SGCZ: variants seen among roughly 807,000 people sequenced by gnomAD.
SGCZ encodes the protein zeta-sarcoglycan.
SGCZ carries 40 observed loss-of-function variants against 41.3 expected under a neutral mutation model. The ratio of observed to expected loss-of-function variants is 0.97; its 90% confidence interval spans 0.75 to 1.26. The LOEUF (loss-of-function observed/expected upper bound fraction) is 1.26, where lower values mean the gene tolerates loss of function less well. Among genes scored for constraint, SGCZ ranks in the 50% most tolerant of loss-of-function variants. The pLI, the probability that SGCZ is intolerant of heterozygous loss-of-function variation, is 0.00. For synonymous variants in SGCZ, 206 were observed against 137.5 expected, an observed-to-expected ratio of 1.50 and a Z score of -3.49; for missense variants, 552 against 369.8, an observed-to-expected ratio of 1.49 and a Z score of -4.04.
intron 1 of SGCZ, among the ~76,000 whole-genome samples, chr8:14,922,938 T>G (rs965761187): frequency 2.0e-4 from 31 of 152,342 alleles, no homozygotes; most frequent in African/African-American, 6.5e-4. Flanking sequence ...CATTTTCTCA[T>G]AAAGTTTTCT....
At chr8:14,568,936 T>C (rs768214932) in intron 1 of SGCZ, among the ~76,000 whole-genome samples, 5 of 152,274 alleles carry the variant, frequency 3.3e-5, no homozygotes, top group East Asian at 1.9e-4. Context: ...GGAAGTGAAA[T>C]TGTATTTGAG....
intron 3 of SGCZ, among the ~76,000 whole-genome samples, chr8:14,259,087 A>G (rs1009915482): frequency 1.3e-5 from 2 of 152,194 alleles, no homozygotes; most frequent in Non-Finnish European, 1.5e-5. Context: ...GAAAAAAGGC[A>G]TTTAGCCTTG....
chr8:14,140,581 G>C (rs1336563509), intron 5 of SGCZ, among the ~76,000 whole-genome samples: 4 of 152,102 alleles, frequency 2.6e-5, no homozygotes, highest in Non-Finnish European at 5.9e-5. Flanking sequence ...CTGCTTCAAA[G>C]AGAATAAAAT....
At chr8:15,157,031 G>A (rs926087130) in intron 1 of SGCZ, among the ~76,000 whole-genome samples, 3 of 151,742 alleles carry the variant, frequency 2.0e-5, no homozygotes, top group African/African-American at 7.3e-5. Flanking sequence ...TCTTTTCTCT[G>A]GGAATCTTTC....
intron 2 of SGCZ, among the ~76,000 whole-genome samples, chr8:14,340,370 A>T (rs146132706): frequency 6.6e-6 from 1 of 152,152 alleles, no homozygotes; most frequent in African/African-American, 2.4e-5. Context: ...ATTGTTTTAC[A>T]AGCATTCCCT....
intron 1 of SGCZ, among the ~76,000 whole-genome samples, chr8:15,208,957 T>G (rs1187760957): frequency 6.6e-6 from 1 of 151,872 alleles, no homozygotes. Flanking sequence ...GGATTTAACA[T>G]TTTTTCATAA....
chr8:15,013,135 G>C (rs1371657040), intron 1 of SGCZ, among the ~76,000 whole-genome samples: 1 of 152,134 alleles, frequency 6.6e-6, no homozygotes, highest in African/African-American at 2.4e-5. Context: ...GACTCATTAA[G>C]TGAAAATGGA....
chr8:14,617,392 A>G (rs545757241), intron 1 of SGCZ, among the ~76,000 whole-genome samples: 12 of 152,254 alleles, frequency 7.9e-5, no homozygotes, highest in African/African-American at 2.6e-4. Flanking sequence ...GGATTATTTT[A>G]CTGTTCAAAA....
chr8:14,427,044 A>C (rs903161519), intron 2 of SGCZ, among the ~76,000 whole-genome samples: 1 of 141,856 alleles, frequency 7.0e-6, no homozygotes, highest in Non-Finnish European at 1.6e-5. Context: ...GAATGAATGA[A>C]TGAATGAATG....
intron 5 of SGCZ, among the ~76,000 whole-genome samples, chr8:14,159,495 G>C (rs576603801): frequency 6.6e-6 from 1 of 152,110 alleles, no homozygotes; most frequent in Non-Finnish European, 1.5e-5. Flanking sequence ...GATTCACCTG[G>C]AGACTTAAGG....
intron 5 of SGCZ, among the ~76,000 whole-genome samples, chr8:14,148,838 C>T (rs1258266695): frequency 1.3e-5 from 2 of 152,124 alleles, no homozygotes; most frequent in Non-Finnish European, 2.9e-5. Flanking sequence ...AATCATTCAT[C>T]ATGACCAAGT....
At chr8:14,197,401 C>A (rs981694370) in intron 4 of SGCZ, among the ~76,000 whole-genome samples, 1 of 151,890 alleles carries the variant, frequency 6.6e-6, no homozygotes, top group Non-Finnish European at 1.5e-5. Flanking sequence ...ATTGGATAAT[C>A]ATAATTATGA....
intron 1 of SGCZ, among the ~76,000 whole-genome samples, chr8:14,738,206 A>G (rs1273773450): frequency 6.6e-6 from 1 of 151,962 alleles, no homozygotes; most frequent in Non-Finnish European, 1.5e-5. Context: ...ATTATTTCCC[A>G]TCATTTATCT....
intron 2 of SGCZ, among the ~76,000 whole-genome samples, chr8:14,394,131 A>G: frequency 7.8e-6 from 1 of 128,054 alleles, no homozygotes; most frequent in African/African-American, 3.7e-5. Context: ...GCACTGCCCT[A>G]CCGCCCCCCA....
intron 2 of SGCZ, among the ~76,000 whole-genome samples, chr8:14,328,624 GTTATT>G (rs1296781857): frequency 3.9e-5 from 6 of 152,060 alleles, no homozygotes; most frequent in East Asian, 3.9e-4. Flanking sequence ...AAAAACTCAT[GTTATT>G]TTAAGAGAAA....
At chr8:15,092,697 C>G (rs1806198238) in intron 1 of SGCZ, among the ~76,000 whole-genome samples, 2 of 152,088 alleles carry the variant, frequency 1.3e-5, no homozygotes, top group South Asian at 4.1e-4. Flanking sequence ...TTCAAAAGAA[C>G]CAAGAAAATC....
chr8:15,237,517 C>T (rs1802174628), intron 1 of SGCZ, 68 bp downstream of exon 1: 8 of 1,538,002 alleles, frequency 5.2e-6, no homozygotes, highest in Non-Finnish European at 6.2e-6. Context: ...GGAGGAGCCG[C>T]GGGAAGGAGA....
intron 1 of SGCZ, among the ~76,000 whole-genome samples, chr8:14,999,317 C>G (rs751913441): frequency 1.3e-5 from 2 of 152,178 alleles, no homozygotes; most frequent in Non-Finnish European, 2.9e-5. Flanking sequence ...TGCTGAGATA[C>G]GTGTTAATTC....
intron 2 of SGCZ, among the ~76,000 whole-genome samples, chr8:14,536,524 A>C (rs544479112): frequency 9.0e-4 from 137 of 152,034 alleles, no homozygotes; most frequent in Non-Finnish European, 1.9e-3. Flanking sequence ...ATTATTACTA[A>C]ATAAAATTTT....
Sources: gnomAD v4.1 joint callset for allele counts (sites outside exome capture counted in the v4.1 genomes callset) on GRCh38, gnomAD v4.1.1 for gene constraint, MANE v1.5 for transcripts, NCBI Gene and HGNC (gene_info 2026-07-23, HGNC 2026-07-21) for gene names.